XRCC3: variants seen among roughly 807,000 people sequenced by gnomAD.
XRCC3 encodes the protein DNA repair protein XRCC3.
Under a neutral mutation model 29.2 loss-of-function variants are expected in XRCC3, and 34 were observed. The observed-to-expected ratio is 1.16, with a 90% CI of 0.88 to 1.55. The LOEUF (loss-of-function observed/expected upper bound fraction) is 1.55, where lower values mean the gene tolerates loss of function less well. Among genes scored for constraint, XRCC3 ranks in the 40% most tolerant of loss-of-function variants. XRCC3 has a pLI of 0.00. For synonymous variants in XRCC3, 223 were observed against 211.3 expected, an observed-to-expected ratio of 1.06 and a Z score of -0.48; for missense variants, 463 against 467.6, an observed-to-expected ratio of 0.99 and a Z score of 0.09.
chr14:103,710,988 GCA>G, intron 4 of XRCC3, 43 bp downstream of exon 4: 1 of 1,600,846 alleles, frequency 6.2e-7, no homozygotes, highest in Non-Finnish European at 8.6e-7. Flanking sequence ...TATATAAACT[GCA>G]CACACCCACC....
intron 2 of XRCC3, chr14:103,711,778 C>A (rs1056112853): frequency 2.2e-6 from 1 of 450,244 alleles, no homozygotes; most frequent in East Asian, 7.0e-5. Context: ...CTCTTCTCCC[C>A]TCCGGCCTCA....
At chr14:103,700,728 G>GT (rs1567050742) in intron 7 of XRCC3, 8 of 1,594,640 alleles carry the variant, frequency 5.0e-6, no homozygotes, top group South Asian at 1.1e-5. Flanking sequence ...CACCGCTAAC[G>GT]TGAGTCCCAC....
intron 5 of XRCC3, chr14:103,708,319 C>T: frequency 1.4e-6 from 1 of 738,364 alleles, no homozygotes; most frequent in Non-Finnish European, 2.2e-6. Context: ...CCGTGTCCAC[C>T]TCACGCATCT....
intron 6 of XRCC3, chr14:103,703,645 C>T (rs2083321154): frequency 2.5e-6 from 1 of 406,332 alleles, no homozygotes; most frequent in Non-Finnish European, 4.7e-6. Flanking sequence ...CCTGCCCCTC[C>T]TTCCCCCTGT....
In XRCC3 at chr14:103,697,628, A is replaced by C. The variant is rs1160686523; in HGVS notation, c.*1170T>G. The C allele has an allele frequency of 5.3e-5, 8 of 152,218 alleles. No individual in the cohort carries two copies. Among genetic ancestry groups the C allele is most frequent in the Non-Finnish European group, 4.4e-5 (3 of 68,050 alleles). 9.4% of individuals were successfully genotyped at this position (152,218 alleles called of 1,614,324 possible). A position where few individuals can be genotyped will look rare whatever the true frequency, so the allele number is the denominator to read the frequency against. Reference sequence around the variant, plus strand: ...GCAGGTCCTGGAACTGCATCCATTGAACATTTATTTGTCAAAGGCCTGGTC... The same window carrying C: ...GCAGGTCCTGGAACTGCATCCATTGCACATTTATTTGTCAAAGGCCTGGTC... On this transcript the variant is annotated 3_prime_UTR_variant, in exon 10 of 10. Coordinates refer to ENST00000555055, the MANE Select transcript of XRCC3 (RefSeq NM_005432.4).
rs2083615127 is a variant in XRCC3 at position 103,711,227 on chromosome 14, T to A, written c.-140A>T. On this transcript the variant is annotated 5_prime_UTR_variant, in exon 4 of 10. Transcript: ENST00000555055. ...GAAGTGACAGCAGCCGAGGTGTCCG[T>A]GTCATCGGGGCTCTGTCACTGAGGG... is the stretch of plus-strand genomic sequence containing the variant. 1.7e-5 allele frequency: 15 copies of A among 865,134 alleles called. No individual in the cohort carries two copies. The East Asian group carries it at 3.9e-4, about 23-fold the overall frequency. 53.6% of individuals were successfully genotyped at this position (865,134 alleles called of 1,614,324 possible).
Position 103,701,301 on chromosome 14 carries a change from G to T in XRCC3, c.562-1725C>A, listed in dbSNP as rs534376993. On this transcript the variant is annotated intron_variant, in intron 7 of 9. Coordinates refer to ENST00000555055, the MANE Select transcript of XRCC3 (RefSeq NM_005432.4). ...CAGGGAGGGCCCCTGGCCGGGAGCC[G>T]CAGCGCTCACTCATTTCTCCTGCGT... The T allele has an allele frequency of 2.4e-6, 3 of 1,273,218 alleles. No individual in the cohort carries two copies. The Admixed American group carries it at 6.2e-5, about 27-fold the overall frequency. The allele number at this position is 1,273,218 out of a possible 1,614,324, so 78.9% of individuals were successfully genotyped here.
chr14:103,707,601 G>A, intron 5 of XRCC3: 2 of 362,276 alleles, frequency 5.5e-6, no homozygotes, highest in Non-Finnish European at 1.1e-5. Flanking sequence ...CAGTTCTCAA[G>A]CGGCTTTAAT....
At chr14:103,704,376 GCTT>G (rs1280553315) in intron 6 of XRCC3, 2 of 152,186 alleles carry the variant, frequency 1.3e-5, no homozygotes, top group African/African-American at 4.8e-5. Context: ...AGAACTTTGT[GCTT>G]CTATTAAAAG....
intron 5 of XRCC3, 63 bp from the exon 6 acceptor site, chr14:103,707,278 C>T (rs1439662558): frequency 5.2e-6 from 8 of 1,537,372 alleles, no homozygotes; most frequent in Middle Eastern, 2.3e-4. Flanking sequence ...CTGGGGACTG[C>T]GGGAGGCATG....
At chr14:103,715,076 C>A (rs1246516130) in intron 1 of XRCC3, among the ~76,000 whole-genome samples, 1 of 152,240 alleles carries the variant, frequency 6.6e-6, no homozygotes, top group African/African-American at 2.4e-5. Flanking sequence ...GGCGGACGAG[C>A]GAAGGCATCG....
chr14:103,714,546 G>C (rs905152036), intron 1 of XRCC3, among the ~76,000 whole-genome samples: 2 of 151,950 alleles, frequency 1.3e-5, no homozygotes, highest in Admixed American at 1.3e-4. Context: ...CTGGGAGGTC[G>C]AGGTTGTGCC....
rs569536698 is a variant in XRCC3, at chr14:103,708,830, G to T, written c.56-171C>A. 6.0e-6 allele frequency: 5 copies of T among 831,476 alleles called. No individual in the cohort carries two copies. The African/African-American group carries it at 8.4e-5, about 14-fold the overall frequency. 51.5% of individuals were successfully genotyped at this position (831,476 alleles called of 1,614,324 possible). ...GCTCCCTGGAAACCCTGGACACAGTGTGGCCGATGCACAGGCACGAGGAAA... is the reference window on the plus strand; with the variant it reads ...GCTCCCTGGAAACCCTGGACACAGTTTGGCCGATGCACAGGCACGAGGAAA... On this transcript the variant is annotated intron_variant, in intron 4 of 9. Transcript: ENST00000555055.
chr14:103,706,583 G>T (rs1403265450), intron 6 of XRCC3: 1 of 377,192 alleles, frequency 2.7e-6, no homozygotes, highest in Non-Finnish European at 5.2e-6. Flanking sequence ...CAGACAGAGC[G>T]TACAGGCTCA....
chr14:103,699,501 CGAT>C lies in XRCC3; in HGVS notation c.634_636del (p.Ile212del), dbSNP rs1567048873. 6.2e-7 allele frequency: 1 copy of C among 1,612,964 alleles called. No homozygotes were observed. Among genetic ancestry groups the C allele is most frequent in the South Asian group, 1.1e-5 (1 of 91,052 alleles). ...CAGCGGAATGGGGCTGCCACCGAGT[CGAT>C]GACCACCAGGCGAGCCATGCCCCGA... On this transcript the variant is annotated inframe_deletion, in exon 8 of 10. Transcript: ENST00000555055.
chr14:103,703,456 T>A, intron 6 of XRCC3, 129 bp from the exon 7 acceptor site: 2 of 1,137,126 alleles, frequency 1.8e-6, no homozygotes, highest in Non-Finnish European at 2.5e-6. Flanking sequence ...GCCCCTCGCC[T>A]GGGGAGGGAG....
At chr14:103,706,456 G>A (rs1474377723) in intron 6 of XRCC3, 2 of 453,986 alleles carry the variant, frequency 4.4e-6, no homozygotes, top group African/African-American at 4.0e-5. Context: ...GAGCTACTGA[G>A]AAACATCTCT....
chr14:103,702,218 C>T (rs1006193840), intron 7 of XRCC3: 2 of 152,510 alleles, frequency 1.3e-5, no homozygotes, highest in African/African-American at 4.8e-5. Context: ...TCTGCAAGGC[C>T]CTGCCATAGG....
At chr14:103,701,305 C>T (rs980844376) in intron 7 of XRCC3, 18 of 1,231,956 alleles carry the variant, frequency 1.5e-5, no homozygotes, top group South Asian at 3.9e-5. Context: ...GGAGCCGCAG[C>T]GCTCACTCAT....
Sources: allele counts gnomAD v4.1 joint callset (sites outside exome capture counted in the v4.1 genomes callset), GRCh38; gene constraint gnomAD v4.1.1; transcripts MANE v1.5; gene names NCBI Gene and HGNC (gene_info 2026-07-23, HGNC 2026-07-21).